The following ADAMTSL3 variants were observed in gnomAD, a reference collection of about 807,000 sequenced individuals.
ADAMTSL3 encodes the protein ADAMTS like 3, also known as ADAMTS-like protein 3.
Under a neutral mutation model 201.7 loss-of-function variants are expected in ADAMTSL3, and 128 were observed. The observed-to-expected ratio is 0.63, with a 90% CI of 0.55 to 0.73. The LOEUF (loss-of-function observed/expected upper bound fraction) is 0.73. Among genes scored for constraint, ADAMTSL3 ranks in the 30% least tolerant of loss-of-function variants. The pLI, the probability that ADAMTSL3 is intolerant of heterozygous loss-of-function variation, is 0.00. For synonymous variants in ADAMTSL3, 738 were observed against 748.4 expected (o/e 0.99, Z 0.23); for missense variants, 1,990 against 2,119.6 (o/e 0.94, Z 1.20).
intron 15 of ADAMTSL3, among the ~76,000 whole-genome samples, chr15:83,903,898 A>G (rs2065775821): frequency 1.4e-5 from 1 of 72,912 alleles, no homozygotes; most frequent in Non-Finnish European, 2.3e-5. Flanking sequence ...AGCCTGGGTG[A>G]CAGTGCCAGA....
intron 3 of ADAMTSL3, among the ~76,000 whole-genome samples, chr15:83,772,721 T>TC (rs5814162): frequency 1.3e-5 from 2 of 151,408 alleles, no homozygotes; most frequent in East Asian, 2.0e-4. Flanking sequence ...TTTTTTTTTT[T>TC]CTGAGATAGA....
At chr15:83,968,343 C>A (rs1015887868) in intron 19 of ADAMTSL3, among the ~76,000 whole-genome samples, 4 of 152,032 alleles carry the variant, frequency 2.6e-5, no homozygotes, top group African/African-American at 7.2e-5. Flanking sequence ...CAAGAAAAAA[C>A]CCCATCAAAA....
intron 2 of ADAMTSL3, among the ~76,000 whole-genome samples, chr15:83,661,103 G>A (rs1173364475): frequency 4.7e-5 from 7 of 147,834 alleles, no homozygotes; most frequent in South Asian, 2.2e-4. Flanking sequence ...GATATGTGGC[G>A]TTATTTCTGA....
At chr15:83,736,330 C>T (rs1219154843) in intron 3 of ADAMTSL3, among the ~76,000 whole-genome samples, 1 of 152,150 alleles carries the variant, frequency 6.6e-6, no homozygotes, top group African/African-American at 2.4e-5. Context: ...AGACAAGACA[C>T]GGACTTTGGA....
rs74621150 is a variant in ADAMTSL3, at chr15:83,970,415, C to G, written c.2491-69C>G. On this transcript the variant is annotated intron_variant, in intron 19 of 29. Coordinates refer to ENST00000286744, the MANE Select transcript of ADAMTSL3 (RefSeq NM_207517.3). ...TTTCCTCTTGTTTCACCCTTGGAGA[C>G]TTTGCTGTTGTTGGCTGGGTCTGCC... 1,089 of 1,583,626 alleles carry G rather than the reference C, an allele frequency of 6.9e-4. 8 individuals are homozygous for G. In the African/African-American group the frequency reaches 0.013, roughly 19 times the overall value.
chr15:83,786,693 G>A (rs1175791186), intron 4 of ADAMTSL3, among the ~76,000 whole-genome samples: 1 of 152,020 alleles, frequency 6.6e-6, no homozygotes, highest in Admixed American at 6.6e-5. Context: ...GTCTTATCCT[G>A]TATTTTTTTG....
intron 8 of ADAMTSL3, among the ~76,000 whole-genome samples, chr15:83,861,198 C>G (rs965528018): frequency 1.3e-5 from 2 of 152,234 alleles, no homozygotes; most frequent in Admixed American, 6.5e-5. Flanking sequence ...CCTCTGTAGA[C>G]TCCACTTCTG....
chr15:83,827,446 T>G (rs2064049258), intron 6 of ADAMTSL3, among the ~76,000 whole-genome samples: 1 of 152,212 alleles, frequency 6.6e-6, no homozygotes, highest in African/African-American at 2.4e-5. Flanking sequence ...GAAAATTTTC[T>G]CCCATTCTAT....
chr15:83,926,808 G>T (rs1261176002), intron 17 of ADAMTSL3, among the ~76,000 whole-genome samples: 1 of 151,922 alleles, frequency 6.6e-6, no homozygotes, highest in Non-Finnish European at 1.5e-5. Context: ...GTAGAGATGG[G>T]GTTTCACCAT....
At position 84,038,069 on chromosome 15, in the gene ADAMTSL3, TG is replaced by T. The variant is rs2068543082; in HGVS notation, c.*264del. ...TGCCACTGCACTTGGGACCTCATCA[TG>T]TCAGTTGAATCGAGAAATCACCAAG... On this transcript the variant is annotated 3_prime_UTR_variant, in exon 30 of 30. Coordinates refer to ENST00000286744, the MANE Select transcript of ADAMTSL3 (RefSeq NM_207517.3). 4.7e-6 allele frequency: 2 copies of T among 422,292 alleles called. No homozygotes were observed. The highest frequency in any genetic ancestry group is 8.1e-5 in the East Asian group (2 of 24,824). 26.2% of individuals were successfully genotyped at this position (422,292 alleles called of 1,614,324 possible).
intron 3 of ADAMTSL3, among the ~76,000 whole-genome samples, chr15:83,758,360 A>G (rs2062753604): frequency 6.6e-6 from 1 of 152,208 alleles, no homozygotes; most frequent in South Asian, 2.1e-4. Flanking sequence ...AATCCCCTTT[A>G]TAAAACTGTC....
At chr15:83,724,803 G>A (rs549181983) in intron 3 of ADAMTSL3, among the ~76,000 whole-genome samples, 1 of 152,110 alleles carries the variant, frequency 6.6e-6, no homozygotes, top group African/African-American at 2.4e-5. Flanking sequence ...AACATGTGAA[G>A]TTTGTCTTTC....
intron 3 of ADAMTSL3, among the ~76,000 whole-genome samples, chr15:83,770,179 A>C (rs2062957155): frequency 6.6e-6 from 1 of 152,220 alleles, no homozygotes; most frequent in African/African-American, 2.4e-5. Flanking sequence ...GTATACATGC[A>C]TGAAAAATGA....
intron 27 of ADAMTSL3, among the ~76,000 whole-genome samples, chr15:84,028,253 G>T (rs2068345724): frequency 6.6e-6 from 1 of 152,118 alleles, no homozygotes; most frequent in Middle Eastern, 3.4e-3. Context: ...CAATAAAGTG[G>T]TTAGCCAAAA....
intron 4 of ADAMTSL3, among the ~76,000 whole-genome samples, chr15:83,800,018 A>G (rs1213051425): frequency 1.3e-5 from 2 of 152,236 alleles, no homozygotes; most frequent in Non-Finnish European, 2.9e-5. Flanking sequence ...AATTGTAACC[A>G]AAGCAAGCCA....
intron 9 of ADAMTSL3, among the ~76,000 whole-genome samples, chr15:83,875,500 A>G (rs931165022): frequency 1.4e-4 from 22 of 152,174 alleles, no homozygotes; most frequent in African/African-American, 5.3e-4. Context: ...CACGTAGAAC[A>G]ATCAGGATGT....
intron 3 of ADAMTSL3, among the ~76,000 whole-genome samples, chr15:83,728,831 A>G (rs1418888687): frequency 2.0e-5 from 3 of 152,026 alleles, no homozygotes; most frequent in African/African-American, 4.8e-5. Flanking sequence ...CTGTGTAGCT[A>G]CTATTACTGG....
At chr15:83,662,389 C>T (rs1183734953) in intron 2 of ADAMTSL3, among the ~76,000 whole-genome samples, 4 of 126,846 alleles carry the variant, frequency 3.2e-5, no homozygotes, top group Non-Finnish European at 6.2e-5. Flanking sequence ...CACATGGACA[C>T]AGGAAGGGGA....
At chr15:83,886,222 C>G (rs2065387622) in intron 10 of ADAMTSL3, among the ~76,000 whole-genome samples, 1 of 152,184 alleles carries the variant, frequency 6.6e-6, no homozygotes, top group Non-Finnish European at 1.5e-5. Context: ...TTTTTCTGAA[C>G]TGACCTTTTA....
Sources: allele counts gnomAD v4.1 joint callset (sites outside exome capture counted in the v4.1 genomes callset), GRCh38; gene constraint gnomAD v4.1.1; transcripts MANE v1.5; gene names NCBI Gene and HGNC (gene_info 2026-07-23, HGNC 2026-07-21).